The following AFG3L2 variants were observed in gnomAD, a reference collection of about 807,000 sequenced individuals.
AFG3L2 encodes mitochondrial inner membrane m-AAA protease component AFG3L2.
Under a neutral mutation model 94.5 loss-of-function variants are expected in AFG3L2, and 54 were observed. The observed-to-expected ratio is 0.57, with a 90% confidence interval of 0.46 to 0.72. AFG3L2 has a LOEUF of 0.72. Ranked by LOEUF, AFG3L2 falls within the 30% of genes least tolerant of loss-of-function variation. The pLI is 0.00. For synonymous variants in AFG3L2, 377 were observed against 365.5 expected, an observed-to-expected ratio of 1.03 and a Z score of -0.36; for missense variants, 754 against 994.9, an observed-to-expected ratio of 0.76 and a Z score of 3.26.
intron 15 of AFG3L2, 117 bp from the exon 16 acceptor site, chr18:12,337,652 G>T: frequency 1.2e-6 from 1 of 844,540 alleles, no homozygotes; most frequent in Non-Finnish European, 2.0e-6. Flanking sequence ...GCCAGCAGCA[G>T]CAGCAGCAGC....
chr18:12,331,860 T>A (rs908105119), intron 16 of AFG3L2, among the ~76,000 whole-genome samples: 60 of 141,188 alleles, frequency 4.2e-4, no homozygotes, highest in African/African-American at 1.4e-3. Context: ...TATATATATA[T>A]AAAACAAGGG....
chr18:12,329,872 C>G (rs377378512), intron 16 of AFG3L2, 89 bp from the exon 17 acceptor site: 6 of 1,157,370 alleles, frequency 5.2e-6, no homozygotes, highest in Non-Finnish European at 1.3e-6. Flanking sequence ...GACCCCATTC[C>G]AAAAAAGGAT....
chr18:12,342,930 G>A (rs1254632631), intron 14 of AFG3L2: 2 of 152,058 alleles, frequency 1.3e-5, no homozygotes, highest in Non-Finnish European at 2.9e-5. Flanking sequence ...ATACTGGGAT[G>A]AGTAACTTAC....
chr18:12,361,142 G>A (rs1043295342), intron 6 of AFG3L2, among the ~76,000 whole-genome samples: 2 of 152,192 alleles, frequency 1.3e-5, no homozygotes, highest in South Asian at 2.1e-4. Context: ...AAGCCCAGGT[G>A]GCAGATCACC....
At chr18:12,362,113 C>A (rs189191107) in intron 6 of AFG3L2, among the ~76,000 whole-genome samples, 1 of 152,342 alleles carries the variant, frequency 6.6e-6, no homozygotes, top group South Asian at 2.1e-4. Context: ...AATTTTTATG[C>A]ACACTAAAAT....
chr18:12,371,802 T>C (rs1407586385), intron 1 of AFG3L2, 111 bp from the exon 2 acceptor site: 5 of 871,412 alleles, frequency 5.7e-6, no homozygotes, highest in Non-Finnish European at 9.2e-6. Flanking sequence ...CCACAGGTGG[T>C]TATGAAGTAA....
intron 14 of AFG3L2, 132 bp from the exon 15 acceptor site, chr18:12,340,533 A>C: frequency 1.3e-6 from 1 of 769,998 alleles, no homozygotes; most frequent in Non-Finnish European, 2.3e-6. Context: ...CCTTAGTGGG[A>C]TGTGATCTAG....
At chr18:12,369,704 C>T (rs1466348183) in intron 3 of AFG3L2, among the ~76,000 whole-genome samples, 1 of 136,918 alleles carries the variant, frequency 7.3e-6, no homozygotes. Context: ...CGACAGAGAC[C>T]CCTCCTCAAA....
chr18:12,370,705 C>T (rs1257832634), intron 3 of AFG3L2, 144 bp downstream of exon 3: 6 of 609,758 alleles, frequency 9.8e-6, no homozygotes, highest in East Asian at 6.1e-5. Context: ...GTGATCCACC[C>T]GCCTAGGCCT....
At position 12,352,680 on chromosome 18, in the gene AFG3L2, C is replaced by T. The variant is rs543705045; in HGVS notation, c.1318+325G>A. ...ATGTTAACACCGATATTAAGTTATG[C>T]AGGCTGCCAGGAAAAAATATTTTGC... On this transcript the variant is annotated intron_variant, in intron 10 of 16. Transcript: ENST00000269143. 1.1e-4 allele frequency among the ~76,000 whole-genome samples: 16 copies of T among 152,212 alleles called. No individual in the cohort carries two copies. In the South Asian group the frequency reaches 3.3e-3, roughly 32 times the overall value.
Position 12,377,052 on chromosome 18 carries a change from G to C in AFG3L2, c.31C>G (p.Arg11Gly), listed in dbSNP as rs1050447923. Residue 11 changes from arginine to glycine, a missense_variant, in exon 1 of 17, where the codon CGG (arginine) becomes GGG (glycine). Physicochemically the swap from Arg to Gly is moderately radical, Grantham distance 125. Around this residue, in one of 4 missense-constraint regions of AFG3L2, gnomAD observed 236 missense variants for 214.0 expected, o/e 1.10. Transcript: ENST00000269143. ...AGGCCGCGGGGCCAGCAGCCGCCCC[G>C]GCCCCACAGCCGCAAACAGCGGTGC... Reference protein sequence around the residue: MAHRCLRLWGRGGCWPRGLQQ... With the variant: MAHRCLRLWGGGGCWPRGLQQ... 15 of 1,435,928 alleles carry C rather than the reference G, an allele frequency of 1.0e-5. No homozygotes were observed. The highest frequency in any genetic ancestry group is 5.1e-5 in the Admixed American group (2 of 39,150). 88.9% of individuals were successfully genotyped at this position (1,435,928 alleles called of 1,614,324 possible).
At chr18:12,361,775 G>A (rs1766671966) in intron 6 of AFG3L2, among the ~76,000 whole-genome samples, 1 of 152,192 alleles carries the variant, frequency 6.6e-6, no homozygotes, top group African/African-American at 2.4e-5. Context: ...AAAAGATGAA[G>A]AGTAAGTTTT....
intron 6 of AFG3L2, among the ~76,000 whole-genome samples, chr18:12,363,304 A>G (rs1908714716): frequency 6.6e-6 from 1 of 152,188 alleles, no homozygotes; most frequent in African/African-American, 2.4e-5. Flanking sequence ...GACTGGTTGG[A>G]GAGGAACTAC....
rs1232675495 is a variant in AFG3L2 at position 12,371,733 on chromosome 18, TA to T, written c.115-43del. 2.0e-6 allele frequency: 3 copies of T among 1,518,670 alleles called. No homozygotes were observed. In the East Asian group the frequency reaches 6.9e-5, roughly 35 times the overall value. The allele number at this position is 1,518,670 out of a possible 1,614,324, so 94.1% of individuals were successfully genotyped here. A position where few individuals can be genotyped will look rare whatever the true frequency, so the allele number is the denominator to read the frequency against. Reference sequence around the variant, plus strand: ...AAATAAAACCATAGTTATATCAAGATAAAAAACTTAAAAGAGCTTCATTTCC... The same window carrying T: ...AAATAAAACCATAGTTATATCAAGATAAAAACTTAAAAGAGCTTCATTTCC... On this transcript the variant is annotated intron_variant, in intron 1 of 16. Coordinates refer to ENST00000269143, the MANE Select transcript of AFG3L2 (RefSeq NM_006796.3).
chr18:12,352,960 A>C, intron 10 of AFG3L2, 45 bp downstream of exon 10: 1 of 1,610,722 alleles, frequency 6.2e-7, no homozygotes, highest in South Asian at 1.1e-5. Flanking sequence ...TCTCAAAAAA[A>C]AAAACAAAAG....
chr18:12,373,968 G>A (rs1568148202), intron 1 of AFG3L2, among the ~76,000 whole-genome samples: 1 of 152,138 alleles, frequency 6.6e-6, no homozygotes, highest in South Asian at 2.1e-4. Context: ...GAGTTTTGGT[G>A]AGGCCAAACT....
chr18:12,358,788 A>G lies in AFG3L2; in HGVS notation c.908T>C (p.Ile303Thr), dbSNP rs369272247. The G allele has an allele frequency of 2.3e-5, 37 of 1,614,046 alleles. No homozygotes were observed. The highest frequency in any genetic ancestry group is 3.1e-5 in the Non-Finnish European group (36 of 1,180,040). Residue 303 changes from isoleucine (I) to threonine (T), a missense_variant, in exon 8 of 17, where the codon ATT becomes ACT. Ile to Thr is a moderately conservative substitution (Grantham distance 89). Transcript: ENST00000269143. ...ETTAKVLKDE[I>T]DVKFKDVAGC... is the part of the protein sequence containing the mutation. The stretch of plus-strand genomic sequence containing the variant: ...AGCCACATCTTTGAACTTCACATCA[A>G]TTTCATCCTTTAAGACCTTGGCAGT...
rs1219791412 is a variant in AFG3L2 at position 12,344,047 on chromosome 18, AG to A, written c.1779+84del. 3 of 1,198,882 alleles carry A rather than the reference AG, an allele frequency of 2.5e-6. No homozygotes were observed. The Admixed American group carries it at 5.1e-5, about 20-fold the overall frequency. 74.3% of individuals were successfully genotyped at this position (1,198,882 alleles called of 1,614,324 possible). ...AAAGCCTTGTTTCTTTCTCCTTTGC[AG>A]GAGTGTAGCTTGCTTCTTGAGTGAC... On this transcript the variant is annotated intron_variant, in intron 14 of 16. Transcript: ENST00000269143.
Position 12,329,217 on chromosome 18 carries a change from A to G in AFG3L2, c.*348T>C, listed in dbSNP as rs759810038. 4.3e-6 allele frequency: 3 copies of G among 702,838 alleles called. No individual in the cohort carries two copies. Among genetic ancestry groups the G allele is most frequent in the South Asian group, 3.0e-5 (2 of 67,596 alleles). 43.5% of individuals were successfully genotyped at this position (702,838 alleles called of 1,614,324 possible). On this transcript the variant is annotated 3_prime_UTR_variant, in exon 17 of 17. Transcript: ENST00000269143. The stretch of plus-strand genomic sequence containing the variant: ...CGACAAAGAGAAAGCATCCCTTCCC[A>G]CACGCCAAGAGTCCAGTGCAACGAT...
Sources: allele counts gnomAD v4.1 joint callset (sites outside exome capture counted in the v4.1 genomes callset), GRCh38; gene constraint gnomAD v4.1.1; regional missense constraint gnomAD v4.1.1; transcripts MANE v1.5; gene names NCBI Gene and HGNC (gene_info 2026-07-23, HGNC 2026-07-21).